USH2A: variants seen among roughly 807,000 people sequenced by gnomAD.
USH2A encodes the protein usherin.
A neutral mutation model predicts 538.9 loss-of-function variants in USH2A; 443 were observed. That is an observed-to-expected ratio of 0.82 (90% confidence interval 0.76 to 0.89). The LOEUF (loss-of-function observed/expected upper bound fraction) is 0.89, where lower values mean the gene tolerates loss of function less well. Among genes scored for constraint, USH2A ranks in the 40% least tolerant of loss-of-function variants. The pLI, the probability that USH2A is intolerant of heterozygous loss-of-function variation, is 0.00. For missense variants in USH2A, 6,633 were observed against 6,324.8 expected, an observed-to-expected ratio of 1.05 and a Z score of -1.65; for synonymous variants, 2,413 against 2,273.5, an observed-to-expected ratio of 1.06 and a Z score of -1.75.
At chr1:216,076,542 A>G (rs2031758144) in intron 27 of USH2A, among the ~76,000 whole-genome samples, 2 of 151,966 alleles carry the variant, frequency 1.3e-5, no homozygotes, top group Non-Finnish European at 2.9e-5. Context: ...TCCCAGAAGC[A>G]AACAGGATTA....
Position 216,199,738 on chromosome 1 carries a change from TG to T in USH2A, c.3699del (p.Ile1234LeufsTer3), listed in dbSNP as rs2034938612. 3.1e-6 allele frequency: 5 copies of T among 1,614,102 alleles called. No individual in the cohort carries two copies. The highest frequency in any genetic ancestry group is 4.2e-6 in the Non-Finnish European group (5 of 1,179,988). ...CTSGGCLHSL[P>X]ITVTTAQAPP... is the part of the protein sequence containing the mutation. ...GGGGCCTGGGCTGTGGTCACTGTAA[TG>T]GGCAAGCTGTGTAAACAGCCCCCGC... On this transcript the variant is annotated frameshift_variant, in exon 17 of 72. Coordinates refer to ENST00000307340, the MANE Select transcript of USH2A (RefSeq NM_206933.4). LOFTEE classifies it high-confidence loss of function.
intron 37 of USH2A, among the ~76,000 whole-genome samples, chr1:215,952,696 T>C (rs1666951730): frequency 6.6e-6 from 1 of 152,222 alleles, no homozygotes; most frequent in South Asian, 2.1e-4. Flanking sequence ...TTAAGAATGT[T>C]GAATATTGGC....
intron 14 of USH2A, among the ~76,000 whole-genome samples, chr1:216,218,687 C>G (rs1477647401): frequency 6.6e-6 from 1 of 152,046 alleles, no homozygotes; most frequent in Non-Finnish European, 1.5e-5. Flanking sequence ...TTGAAAACCA[C>G]TGTACTGTAG....
intron 4 of USH2A, among the ~76,000 whole-genome samples, chr1:216,338,472 T>C (rs1435784857): frequency 6.6e-6 from 1 of 151,394 alleles, no homozygotes; most frequent in Non-Finnish European, 1.5e-5. Context: ...TCAGAAAAAA[T>C]AGAAGGCAAT....
intron 55 of USH2A, among the ~76,000 whole-genome samples, chr1:215,776,348 C>T (rs1428230528): frequency 1.3e-5 from 2 of 152,092 alleles, no homozygotes; most frequent in African/African-American, 4.8e-5. Context: ...AATAATTAAC[C>T]GAGGACTTCC....
At chr1:216,056,938 CTTCT>C (rs2030996843) in intron 30 of USH2A, among the ~76,000 whole-genome samples, 1 of 152,126 alleles carries the variant, frequency 6.6e-6, no homozygotes, top group Non-Finnish European at 1.5e-5. Flanking sequence ...GTGCATTCTT[CTTCT>C]TTATCAACTA....
chr1:216,070,790 T>A (rs2031534184), intron 29 of USH2A, among the ~76,000 whole-genome samples: 3 of 149,536 alleles, frequency 2.0e-5, no homozygotes, highest in African/African-American at 7.4e-5. Context: ...TTTTTCTAAT[T>A]AATTTTTAAA....
At chr1:216,238,786 A>G (rs546790798) in intron 13 of USH2A, among the ~76,000 whole-genome samples, 6 of 152,286 alleles carry the variant, frequency 3.9e-5, no homozygotes, top group East Asian at 1.9e-4. Context: ...GTCATCTACT[A>G]TGGGTCAGCA....
intron 30 of USH2A, among the ~76,000 whole-genome samples, chr1:216,058,474 C>A (rs1046292603): frequency 6.7e-6 from 1 of 148,848 alleles, no homozygotes; most frequent in African/African-American, 2.5e-5. Flanking sequence ...TGAATATTTT[C>A]TGTTCTTTAT....
At chr1:216,220,449 G>A (rs1355538210) in intron 14 of USH2A, among the ~76,000 whole-genome samples, 13 of 149,758 alleles carry the variant, frequency 8.7e-5, no homozygotes, top group Admixed American at 8.1e-4. Context: ...AGACTCTAAA[G>A]GTCCAGAAAA....
intron 15 of USH2A, among the ~76,000 whole-genome samples, chr1:216,209,763 C>T (rs1207718434): frequency 6.6e-6 from 1 of 152,042 alleles, no homozygotes; most frequent in Non-Finnish European, 1.5e-5. Flanking sequence ...GTCTTTTATC[C>T]AAGGGTCCTG....
intron 27 of USH2A, among the ~76,000 whole-genome samples, chr1:216,076,066 C>A (rs942842503): frequency 6.6e-6 from 1 of 152,084 alleles, no homozygotes; most frequent in East Asian, 1.9e-4. Context: ...CCCTGATCAC[C>A]GTATAAAACA....
intron 13 of USH2A, among the ~76,000 whole-genome samples, chr1:216,235,631 C>G (rs1198584206): frequency 1.3e-5 from 2 of 152,162 alleles, no homozygotes; most frequent in Non-Finnish European, 2.9e-5. Flanking sequence ...CCTGCAGCGG[C>G]TATTTGCATA....
chr1:215,639,780 C>T (rs1184322664), intron 68 of USH2A, among the ~76,000 whole-genome samples: 1 of 152,204 alleles, frequency 6.6e-6, no homozygotes, highest in Non-Finnish European at 1.5e-5. Flanking sequence ...AAGAGCTGCC[C>T]AGGTGACCAT....
intron 11 of USH2A, among the ~76,000 whole-genome samples, chr1:216,275,811 A>G (rs1044882666): frequency 6.6e-6 from 1 of 152,160 alleles, no homozygotes; most frequent in Non-Finnish European, 1.5e-5. Context: ...TCTTTATATG[A>G]ACATTGCTAT....
chr1:216,169,565 A>G (rs1313715398), intron 21 of USH2A, among the ~76,000 whole-genome samples: 2 of 152,124 alleles, frequency 1.3e-5, no homozygotes, highest in East Asian at 3.9e-4. Flanking sequence ...CTTGACATTT[A>G]CATCTCCATA....
intron 30 of USH2A, among the ~76,000 whole-genome samples, chr1:216,069,581 G>C (rs1244223429): frequency 6.6e-6 from 1 of 152,106 alleles, no homozygotes; most frequent in African/African-American, 2.4e-5. Context: ...TGGTGTGTAT[G>C]AGTATATTTC....
intron 47 of USH2A, among the ~76,000 whole-genome samples, chr1:215,829,949 T>G (rs994752709): frequency 1.3e-5 from 2 of 152,166 alleles, no homozygotes; most frequent in African/African-American, 4.8e-5. Context: ...CAATATGGAA[T>G]AAGCCCATTA....
chr1:215,991,837 T>C (rs1373293989), intron 35 of USH2A, among the ~76,000 whole-genome samples: 10 of 152,200 alleles, frequency 6.6e-5, no homozygotes, highest in Non-Finnish European at 1.0e-4. Context: ...AGCAATCCAA[T>C]TGAAATAAAT....
Sources: gnomAD v4.1 joint callset for allele counts (sites outside exome capture counted in the v4.1 genomes callset) on GRCh38, gnomAD v4.1.1 for gene constraint, MANE v1.5 for transcripts, NCBI Gene and HGNC (gene_info 2026-07-23, HGNC 2026-07-21) for gene names.